DMD: variants seen among roughly 807,000 people sequenced by gnomAD.
The protein encoded by DMD is mutant dystrophin.
Under a neutral mutation model 330.1 loss-of-function variants are expected in DMD, and 63 were observed. The ratio of observed to expected loss-of-function variants is 0.19; its 90% confidence interval spans 0.16 to 0.24. The LOEUF (loss-of-function observed/expected upper bound fraction) is 0.24. DMD is among the 10% of genes least tolerant of loss of function. The pLI, the probability that DMD is intolerant of heterozygous loss-of-function variation, is 1.00. For missense variants in DMD, 3,344 were observed against 2,684.1 expected, an observed-to-expected ratio of 1.25 and a Z score of -5.43; for synonymous variants, 1,223 against 959.8, an observed-to-expected ratio of 1.27 and a Z score of -5.07.
intron 68 of DMD, among the ~76,000 whole-genome samples, chrX:31,181,795 T>C (rs1479460178): frequency 2.7e-5 from 3 of 112,700 alleles, no homozygotes; most frequent in African/African-American, 9.7e-5. Flanking sequence ...CACACGTAAC[T>C]GGAAAAGAGT....
At chrX:32,327,625 T>C (rs2097657824) in intron 41 of DMD, among the ~76,000 whole-genome samples, 1 of 111,765 alleles carries the variant, frequency 8.9e-6, no homozygotes, top group Admixed American at 9.6e-5. Context: ...TTAGGCTTAA[T>C]GTGCTCTACT....
chrX:31,932,945 C>A (rs1043737406), intron 45 of DMD, among the ~76,000 whole-genome samples: 1 of 111,415 alleles, frequency 9.0e-6, no homozygotes, highest in East Asian at 2.8e-4. Context: ...GTATCCCTGG[C>A]CTGTTGAACA....
chrX:31,401,762 T>A (rs1326692215), intron 60 of DMD, among the ~76,000 whole-genome samples: 1 of 111,290 alleles, frequency 9.0e-6, no homozygotes, highest in Non-Finnish European at 1.9e-5. Flanking sequence ...TATTCTTCTT[T>A]GGGTTTCGTA....
rs751221094 is a variant in DMD, at chrX:32,943,964, T to C, written c.93+76175A>G. Among the ~76,000 whole-genome samples the C allele has an allele frequency of 3.6e-5, 4 of 111,315 alleles. No individual in the cohort carries two copies. In the East Asian group the frequency reaches 1.1e-3, roughly 31 times the overall value. On this transcript the variant is annotated intron_variant, in intron 2 of 78. Coordinates refer to ENST00000357033, the MANE Select transcript of DMD (RefSeq NM_004006.3). ...CAAGTTAGGGCTTTTAGAGCGTCCCTCACCCAAATATATCATACACATTAA... is the reference window on the plus strand; with the variant it reads ...CAAGTTAGGGCTTTTAGAGCGTCCCCCACCCAAATATATCATACACATTAA...
At chrX:32,089,189 T>C (rs145145402) in intron 44 of DMD, among the ~76,000 whole-genome samples, 1,997 of 110,863 alleles carry the variant, frequency 0.018, 50 homozygotes, top group African/African-American at 0.06. Flanking sequence ...CAAAATGCTC[T>C]TGTGCTGTCC....
chrX:32,205,005 T>TCTCACA (rs60181300), intron 44 of DMD, among the ~76,000 whole-genome samples: 4 of 29,231 alleles, frequency 1.4e-4, no homozygotes, highest in African/African-American at 3.4e-4. Flanking sequence ...TCTCTCTCTC[T>TCTCACA]CACATACACA....
At chrX:31,183,085 A>C (rs942634907) in intron 67 of DMD, among the ~76,000 whole-genome samples, 181 bp from the exon 68 acceptor site, 2 of 105,003 alleles carry the variant, frequency 1.9e-5, no homozygotes, top group Non-Finnish European at 3.9e-5. Context: ...CTGATATCCA[A>C]AGAGCTACCC....
chrX:31,884,707 C>T (rs145431724), intron 47 of DMD, among the ~76,000 whole-genome samples: 3,580 of 111,350 alleles, frequency 0.032, 52 homozygotes, highest in Middle Eastern at 0.057. Flanking sequence ...TTAGTCATTC[C>T]GCAATGTTTA....
intron 34 of DMD, among the ~76,000 whole-genome samples, chrX:32,374,686 A>G (rs755932696): frequency 1.8e-5 from 2 of 111,568 alleles, no homozygotes; most frequent in Non-Finnish European, 3.8e-5. Flanking sequence ...TAATAGTATT[A>G]TGCTGTTTGC....
At chrX:32,433,768 G>T (rs2098248342) in intron 29 of DMD, among the ~76,000 whole-genome samples, 1 of 111,575 alleles carries the variant, frequency 9.0e-6, no homozygotes, top group South Asian at 3.8e-4. Flanking sequence ...CAATTAAAAG[G>T]GTACCTGAGC....
intron 67 of DMD, among the ~76,000 whole-genome samples, chrX:31,194,703 T>G (rs1174866250): frequency 8.9e-6 from 1 of 112,219 alleles, no homozygotes; most frequent in Non-Finnish European, 1.9e-5. Flanking sequence ...AAACCGTTAT[T>G]TCTCCCAAGT....
At chrX:31,912,617 T>C (rs1336411387) in intron 47 of DMD, among the ~76,000 whole-genome samples, 1 of 112,046 alleles carries the variant, frequency 8.9e-6, no homozygotes, top group Non-Finnish European at 1.9e-5. Flanking sequence ...CTAGTTATAA[T>C]GATTTAAAAT....
At chrX:32,651,699 A>G (rs1275736847) in intron 9 of DMD, among the ~76,000 whole-genome samples, 3 of 111,802 alleles carry the variant, frequency 2.7e-5, no homozygotes, top group Non-Finnish European at 5.6e-5. Flanking sequence ...TCCATTATCC[A>G]TGATGTCCTT....
intron 64 of DMD, among the ~76,000 whole-genome samples, chrX:31,216,936 C>T (rs1164389557): frequency 2.7e-5 from 3 of 112,028 alleles, no homozygotes; most frequent in African/African-American, 6.5e-5. Flanking sequence ...CTATTTCTTA[C>T]TGTTTGCAGA....
intron 30 of DMD, among the ~76,000 whole-genome samples, chrX:32,409,664 T>G (rs748571346): frequency 8.9e-6 from 1 of 112,088 alleles, no homozygotes; most frequent in African/African-American, 3.2e-5. Context: ...TAATTCTTTA[T>G]GCATTTTGAA....
intron 7 of DMD, among the ~76,000 whole-genome samples, chrX:32,780,887 C>T (rs886682306): frequency 1.2e-4 from 13 of 107,472 alleles, no homozygotes; most frequent in African/African-American, 4.4e-4. Flanking sequence ...GTCAGGAGAT[C>T]GAGACCATCC....
intron 2 of DMD, among the ~76,000 whole-genome samples, chrX:32,977,021 T>G (rs778190091): frequency 1.8e-5 from 2 of 111,809 alleles, no homozygotes; most frequent in Non-Finnish European, 3.8e-5. Context: ...CCTGGCGTGG[T>G]GGCTCACACC....
chrX:32,578,925 T>G (rs901890478), intron 13 of DMD, among the ~76,000 whole-genome samples: 9 of 111,993 alleles, frequency 8.0e-5, no homozygotes, highest in African/African-American at 2.6e-4. Context: ...ATTTTATGTG[T>G]AATGAGCCCT....
chrX:32,381,933 T>C (rs2097927334), intron 33 of DMD, among the ~76,000 whole-genome samples: 1 of 110,935 alleles, frequency 9.0e-6, no homozygotes, highest in African/African-American at 3.3e-5. Flanking sequence ...TTGAGTATGA[T>C]TTTTGGCAGA....
Sources: allele counts gnomAD v4.1 joint callset (sites outside exome capture counted in the v4.1 genomes callset), GRCh38; gene constraint gnomAD v4.1.1; transcripts MANE v1.5; gene names NCBI Gene and HGNC (gene_info 2026-07-23, HGNC 2026-07-21).